Variants in CHD9 observed in about 807,000 individuals in gnomAD.
CHD9 encodes the protein ATP-dependent chromatin remodeler CHD9.
CHD9 carries 77 observed loss-of-function variants against 316.1 expected under a neutral mutation model. The observed-to-expected ratio is 0.24, with a 90% CI of 0.20 to 0.29. The LOEUF (loss-of-function observed/expected upper bound fraction) is 0.29, where lower values mean the gene tolerates loss of function less well. CHD9 is among the 10% of genes least tolerant of loss of function. The pLI is 1.00. For missense variants in CHD9, 2,763 were observed against 3,438.1 expected, an observed-to-expected ratio of 0.80 and a Z score of 4.91; for synonymous variants, 1,129 against 1,158.3, an observed-to-expected ratio of 0.97 and a Z score of 0.51.
At chr16:53,228,942 ATC>A (rs2047919772) in intron 7 of CHD9, 39 bp from the exon 8 acceptor site, 1 of 904,872 alleles carries the variant, frequency 1.1e-6, no homozygotes, top group Non-Finnish European at 1.7e-6. Flanking sequence ...TAAAATGGTT[ATC>A]TGTGTCATTC....
intron 1 of CHD9, among the ~76,000 whole-genome samples, chr16:53,095,487 T>C (rs575496501): frequency 3.3e-5 from 5 of 151,826 alleles, no homozygotes; most frequent in Non-Finnish European, 7.4e-5. Flanking sequence ...AGATTGAGGC[T>C]GCAGTGAGCC....
chr16:53,324,213 C>G lies in CHD9; in HGVS notation c.8012C>G (p.Thr2671Ser), dbSNP rs1469952708. 6.2e-7 allele frequency: 1 copy of G among 1,606,248 alleles called. No homozygotes were observed. The highest frequency in any genetic ancestry group is 8.5e-7 in the Non-Finnish European group (1 of 1,176,260). Residue 2671 changes from threonine to serine, a missense_variant, in exon 39 of 39, where the codon ACT becomes AGT. By Grantham distance (58) the Thr-to-Ser change is moderately conservative. Transcript: ENST00000447540. Reference sequence around the variant, plus strand: ...CTACTTCCAGGTGTGGATCTCACAACTCTTCAGGCCTTACAACAAAACCTA... The same window carrying G: ...CTACTTCCAGGTGTGGATCTCACAAGTCTTCAGGCCTTACAACAAAACCTA... The part of the protein sequence containing the change: ...NGLLPGVDLT[T>S]LQALQQNLQN...
At chr16:53,279,308 A>C (rs1474636427) in intron 24 of CHD9, among the ~76,000 whole-genome samples, 1 of 152,100 alleles carries the variant, frequency 6.6e-6, no homozygotes, top group African/African-American at 2.4e-5. Context: ...GGAATTGAAC[A>C]ATGAGAACAC....
intron 2 of CHD9, among the ~76,000 whole-genome samples, chr16:53,193,007 G>C (rs946529290): frequency 2.0e-5 from 3 of 150,928 alleles, no homozygotes; most frequent in African/African-American, 7.3e-5. Context: ...AAATTGCTGA[G>C]GGTCATATGT....
In CHD9 at chr16:53,088,275, C is replaced by CTTTTTTTTT. The variant is rs35052198; in HGVS notation, c.-165+33201_-165+33202insTTTTTTTTT. Among the ~76,000 whole-genome samples the CTTTTTTTTT allele has an allele frequency of 7.1e-5, 9 of 127,088 alleles. 2 individuals carry two copies. Among genetic ancestry groups the CTTTTTTTTT allele is most frequent in the Non-Finnish European group, 1.1e-4 (7 of 62,120 alleles). 83.4% of individuals were successfully genotyped at this position (127,088 alleles called of 152,430 possible). On this transcript the variant is annotated intron_variant, in intron 1 of 38. Transcript: ENST00000447540. ...CTGTAATCAAGGAAAATGACATGCA[C>CTTTTTTTTT]TTTGTTTTTTTTTTTTTTTTGAGAT... is the stretch of plus-strand genomic sequence containing the variant.
In CHD9 at chr16:53,318,284, A is replaced by T. The variant is rs1486288566; in HGVS notation, c.7657A>T (p.Asn2553Tyr). 1 of 1,612,958 alleles carries T rather than the reference A, an allele frequency of 6.2e-7. No homozygotes were observed. Among genetic ancestry groups the T allele is most frequent in the African/African-American group, 1.3e-5 (1 of 75,034 alleles). Residue 2553 changes from asparagine (N) to tyrosine (Y), a missense_variant, in exon 37 of 39, where the codon AAT becomes TAT. Physicochemically the swap from Asn to Tyr is moderately radical, Grantham distance 143. Transcript: ENST00000447540. ...CAGAAACCCCAATAAACTAGATGTG[A>T]ATAGTCTCACTGGAGAAGAACGTGT... The part of the protein sequence containing the change: ...RCRNPNKLDV[N>Y]SLTGEERVQL...
At chr16:53,286,538 G>T (rs1013148317) in intron 26 of CHD9, among the ~76,000 whole-genome samples, 195 bp downstream of exon 26, 2 of 152,168 alleles carry the variant, frequency 1.3e-5, no homozygotes, top group African/African-American at 4.8e-5. Context: ...GGTTGGACCT[G>T]CCCCACACCC....
At chr16:53,323,332 G>C (rs1313995968) in intron 38 of CHD9, among the ~76,000 whole-genome samples, 1 of 152,154 alleles carries the variant, frequency 6.6e-6, no homozygotes, top group Non-Finnish European at 1.5e-5. Flanking sequence ...AGTTACATAT[G>C]TGGCTTACAT....
rs778503865 is a variant in CHD9 at position 53,156,874 on chromosome 16, G to C, written c.785G>C (p.Cys262Ser). Residue 262 changes from cysteine to serine, a missense_variant, in exon 2 of 39, where the codon TGT becomes TCT. Physicochemically the swap from Cys to Ser is moderately radical, Grantham distance 112. Coordinates refer to ENST00000447540, the MANE Select transcript of CHD9 (RefSeq NM_001308319.2). ...GGACCTTCCCCAAATATGACTTCTT[G>C]TTCTGTCAGTAATTCACAGCAATTT... ...FNGPSPNMTS[C>S]SVSNSQQFSS... 1.9e-6 allele frequency: 3 copies of C among 1,613,498 alleles called. No individual in the cohort carries two copies. The highest frequency in any genetic ancestry group is 1.6e-4 in the Middle Eastern group (1 of 6,062).
intron 2 of CHD9, among the ~76,000 whole-genome samples, chr16:53,169,845 AT>A (rs2042550250): frequency 6.6e-6 from 1 of 152,310 alleles, no homozygotes; most frequent in African/African-American, 2.4e-5. Context: ...TTAGAGAGAT[AT>A]CTGGTTTAAA....
chr16:53,245,454 T>A lies in CHD9; in HGVS notation c.3173T>A (p.Phe1058Tyr). ...FPSESTFMQE[F>Y]GDLKTEEQVQ... ...TCTGAATCAACATTTATGCAAGAAT[T>A]TGGGGATCTGAAAACAGAGGAACAG... Residue 1058 changes from phenylalanine to tyrosine, a missense_variant, in exon 14 of 39, where the codon TTT becomes TAT. This residue lies in a region of CHD9 where 155 missense variants were observed against 291.8 expected (regional missense o/e 0.53). Coordinates refer to ENST00000447540, the MANE Select transcript of CHD9 (RefSeq NM_001308319.2). This position sits in a 1 kb window ranked among gnomAD's most constrained non-coding sequence, Gnocchi z 4.1. The A allele has an allele frequency of 6.2e-7, 1 of 1,601,408 alleles. No homozygotes were observed. The highest frequency in any genetic ancestry group is 8.5e-7 in the Non-Finnish European group (1 of 1,176,324).
chr16:53,092,231 C>T (rs1408065742), intron 1 of CHD9, among the ~76,000 whole-genome samples: 1 of 152,224 alleles, frequency 6.6e-6, no homozygotes, highest in South Asian at 2.1e-4. Context: ...GCAGGCTGTA[C>T]GGTCTTGGAA....
chr16:53,296,754 T>G (rs1489217711), intron 29 of CHD9, among the ~76,000 whole-genome samples: 1 of 152,108 alleles, frequency 6.6e-6, no homozygotes, highest in Non-Finnish European at 1.5e-5. Flanking sequence ...CCATTAAAAG[T>G]AAATTTTTCT....
In CHD9 at chr16:53,235,323, A is replaced by G. The variant is rs1371287780; in HGVS notation, c.2633+17A>G. 6.7e-7 allele frequency: 1 copy of G among 1,494,486 alleles called. No individual in the cohort carries two copies. Among genetic ancestry groups the G allele is most frequent in the African/African-American group, 1.4e-5 (1 of 70,252 alleles). The allele number at this position is 1,494,486 out of a possible 1,614,324, so 92.6% of individuals were successfully genotyped here. ...GTACAATAGGTATGTAGTATATCTT[A>G]ATAAAAAAAATTTATTTTTTTAATG... On this transcript the variant is annotated intron_variant, in intron 11 of 38. Transcript: ENST00000447540.
rs2049457374 is a variant in CHD9, at chr16:53,245,065, C to T, written c.3055-271C>T. On this transcript the variant is annotated intron_variant, in intron 13 of 38. Transcript: ENST00000447540. The surrounding 1 kb of genome is among the most constrained non-coding windows in gnomAD (Gnocchi z 4.1). ...CAGGAGTTCAAGGTTACAGTGGCAC[C>T]ACTGTAATTTATTCTAATCATTGTA... 6.6e-6 allele frequency among the ~76,000 whole-genome samples: 1 copy of T among 151,910 alleles called. No individual in the cohort carries two copies. Among genetic ancestry groups the T allele is most frequent in the South Asian group, 2.1e-4 (1 of 4,812 alleles).
At chr16:53,063,830 C>CTTTT (rs60131017) in intron 1 of CHD9, among the ~76,000 whole-genome samples, 1 of 135,460 alleles carries the variant, frequency 7.4e-6, no homozygotes, top group Non-Finnish European at 1.6e-5. Flanking sequence ...CATGCCTGGC[C>CTTTT]TTTTTTTTTT....
At chr16:53,268,556 CT>C (rs2051916761) in intron 22 of CHD9, among the ~76,000 whole-genome samples, 1 of 152,126 alleles carries the variant, frequency 6.6e-6, no homozygotes, top group African/African-American at 2.4e-5. Flanking sequence ...ATAAATAAAT[CT>C]TTCACTAAAG....
chr16:53,287,103 C>T (rs767690350), intron 26 of CHD9, among the ~76,000 whole-genome samples: 7 of 152,082 alleles, frequency 4.6e-5, no homozygotes, highest in South Asian at 2.1e-4. Flanking sequence ...GGACCACAGG[C>T]ACATGCCACC....
rs757165644 is a variant in CHD9 at position 53,146,419 on chromosome 16, G to GTATATATATATATATATATATA, written c.-164-9489_-164-9488insTATATATATATATATATATATA. On this transcript the variant is annotated intron_variant, in intron 1 of 38. Transcript: ENST00000447540. ...AAAAAAAAATTGTGTGTGTGTGTAT[G>GTATATATATATATATATATATA]TATATATATATATATATAATTAAAA... Among the ~76,000 whole-genome samples the GTATATATATATATATATATATA allele has an allele frequency of 4.5e-3, 346 of 76,616 alleles. 13 individuals are homozygous for GTATATATATATATATATATATA. Among genetic ancestry groups the GTATATATATATATATATATATA allele is most frequent in the African/African-American group, 6.2e-3 (104 of 16,886 alleles). The allele number at this position is 76,616 out of a possible 152,430, so 50.3% of individuals were successfully genotyped here. A position where few individuals can be genotyped will look rare whatever the true frequency, so the allele number is the denominator to read the frequency against.
Sources: allele counts gnomAD v4.1 joint callset (sites outside exome capture counted in the v4.1 genomes callset), GRCh38; gene constraint gnomAD v4.1.1; regional missense constraint gnomAD v4.1.1; non-coding constraint Gnocchi (gnomAD v3.1); transcripts MANE v1.5; gene names NCBI Gene and HGNC (gene_info 2026-07-23, HGNC 2026-07-21).